RPL36A: variants seen among roughly 807,000 people sequenced by gnomAD.
RPL36A encodes large ribosomal subunit protein eL42.
For synonymous variants in RPL36A, 25 were observed against 28.5 expected (o/e 0.88, Z 0.39); for missense variants, 20 against 81.0 (o/e 0.25, Z 2.89).
At chrX:101,394,817 C>CTCAT in intron 3 of RPL36A, among the ~76,000 whole-genome samples, 1 of 41,316 alleles carries the variant, frequency 2.4e-5, no homozygotes, top group South Asian at 1.6e-3. Flanking sequence ...GAGATGGAGT[C>CTCAT]TCTGTTTCCC....
intron 3 of RPL36A, among the ~76,000 whole-genome samples, chrX:101,394,391 T>A (rs1260417647): frequency 1.8e-5 from 2 of 109,073 alleles, no homozygotes; most frequent in African/African-American, 6.6e-5. Flanking sequence ...GTTAAATAAT[T>A]CAGTTGAATG....
chrX:101,395,216 A>G (rs782775035), intron 3 of RPL36A, 119 bp from the exon 4 acceptor site: 115 of 796,863 alleles, frequency 1.4e-4, no homozygotes, highest in Non-Finnish European at 1.9e-4. Flanking sequence ...TTGCAAAAGA[A>G]TAGTTGCCCC....
intron 3 of RPL36A, chrX:101,393,245 A>G (rs1927892667): frequency 9.0e-6 from 1 of 111,580 alleles, no homozygotes; most frequent in Non-Finnish European, 1.9e-5. Context: ...GTTAAGTGAA[A>G]TAGGCACACA....
chrX:101,395,156 T>C, intron 3 of RPL36A, 179 bp from the exon 4 acceptor site: 1 of 328,998 alleles, frequency 3.0e-6, no homozygotes, highest in Non-Finnish European at 4.9e-6. Flanking sequence ...TTTTAGATTA[T>C]TTTCTCCCTA....
rs1209022906 is a variant in RPL36A, at chrX:101,394,797, T to A, written c.178-538T>A. 7.4e-3 allele frequency among the ~76,000 whole-genome samples: 547 copies of A among 74,081 alleles called. 3 individuals carry two copies. The highest frequency in any genetic ancestry group is 0.027 in the African/African-American group (293 of 10,932). 64.3% of individuals were successfully genotyped at this position (74,081 alleles called of 115,157 possible). On this transcript the variant is annotated intron_variant, in intron 3 of 4. Transcript: ENST00000553110. ...TATAATATATATATATATATTTTTT[T>A]TTTTTTTTTGAGATGGAGTCTCTGT... is the stretch of plus-strand genomic sequence containing the variant.
Position 101,395,474 on chromosome X carries a change from G to A in RPL36A, c.300+17G>A. Reference sequence around the variant, plus strand: ...AAGAGAAAGGTATATAATTATGGGTGGAAGGTGCAATCTTTTTCATAGCTT... The same window carrying A: ...AAGAGAAAGGTATATAATTATGGGTAGAAGGTGCAATCTTTTTCATAGCTT... On this transcript the variant is annotated intron_variant, in intron 4 of 4. Transcript: ENST00000553110. 8.3e-7 allele frequency: 1 copy of A among 1,201,839 alleles called. No individual in the cohort carries two copies. Among genetic ancestry groups the A allele is most frequent in the East Asian group, 3.0e-5 (1 of 33,686 alleles).
At chrX:101,394,174 TAAG>T (rs1555983911) in intron 3 of RPL36A, among the ~76,000 whole-genome samples, 1 of 108,464 alleles carries the variant, frequency 9.2e-6, no homozygotes, top group Non-Finnish European at 1.9e-5. Context: ...CTAGTAAAAA[TAAG>T]AAAAAATTAG....
At chrX:101,393,319 T>C (rs1382411216) in intron 3 of RPL36A, 1 of 110,619 alleles carries the variant, frequency 9.0e-6, no homozygotes, top group African/African-American at 3.3e-5. Context: ...ACTTGTCATA[T>C]AGAGAGTAGA....
chrX:101,394,079 C>T (rs985042590), intron 3 of RPL36A, among the ~76,000 whole-genome samples: 2 of 111,569 alleles, frequency 1.8e-5, no homozygotes, highest in Non-Finnish European at 1.9e-5. Flanking sequence ...CCTGTAATCC[C>T]AGCACTTTGG....
Position 101,391,017 on chromosome X carries a change from T to C in RPL36A, c.-27T>C. On this transcript the variant is annotated 5_prime_UTR_variant, in exon 1 of 5. Coordinates refer to ENST00000553110, the MANE Select transcript of RPL36A (RefSeq NM_021029.6). ...TCCGTTTGCCTCGCGGTTTCTTTCT[T>C]TCCGCGCCGATAGCGCTCACGCAAG... 1 of 1,212,302 alleles carries C rather than the reference T, an allele frequency of 8.2e-7. No individual in the cohort carries two copies. Among genetic ancestry groups the C allele is most frequent in the Non-Finnish European group, 1.1e-6 (1 of 895,596 alleles).
chrX:101,391,016 T>C lies in RPL36A; in HGVS notation c.-28T>C, dbSNP rs1927771402. 5 of 1,211,011 alleles carry C rather than the reference T, an allele frequency of 4.1e-6. No homozygotes were observed. The highest frequency in any genetic ancestry group is 2.3e-4 in the Middle Eastern group (1 of 4,376). On this transcript the variant is annotated 5_prime_UTR_variant, in exon 1 of 5. Coordinates refer to ENST00000553110, the MANE Select transcript of RPL36A (RefSeq NM_021029.6). ...TTCCGTTTGCCTCGCGGTTTCTTTCTTTCCGCGCCGATAGCGCTCACGCAA... is the reference window on the plus strand; with the variant it reads ...TTCCGTTTGCCTCGCGGTTTCTTTCCTTCCGCGCCGATAGCGCTCACGCAA...
At chrX:101,395,262 TTAAAG>T (rs1927983530) in intron 3 of RPL36A, 68 bp from the exon 4 acceptor site, 1 of 1,088,512 alleles carries the variant, frequency 9.2e-7, no homozygotes, top group Non-Finnish European at 1.2e-6. Flanking sequence ...TAAATAGTAC[TTAAAG>T]TAGTCATTTT....
chrX:101,395,491 T>C (rs782249616), intron 4 of RPL36A, 34 bp downstream of exon 4: 44 of 1,196,045 alleles, frequency 3.7e-5, no homozygotes, highest in Non-Finnish European at 4.7e-5. Context: ...GCAATCTTTT[T>C]CATAGCTTTA....
intron 3 of RPL36A, among the ~76,000 whole-genome samples, chrX:101,394,714 ATATATT>A (rs1217509790): frequency 1.0e-5 from 1 of 100,049 alleles, no homozygotes; most frequent in African/African-American, 3.6e-5. Flanking sequence ...CTTTATATAT[ATATATT>A]TATATATTAT....
chrX:101,392,207 A>G (rs1927834494), intron 3 of RPL36A: 2 of 964,814 alleles, frequency 2.1e-6, no homozygotes, highest in Non-Finnish European at 1.3e-6. Context: ...CATCACAGAA[A>G]TCTGCAGTCA....
At chrX:101,394,775 A>AATAT (rs1400063594) in intron 3 of RPL36A, among the ~76,000 whole-genome samples, 26 of 81,604 alleles carry the variant, frequency 3.2e-4, no homozygotes, top group African/African-American at 1.2e-3. Context: ...TTATATATAT[A>AATAT]ATATATATAT....
At chrX:101,392,626 A>C in intron 3 of RPL36A, 1 of 754,751 alleles carries the variant, frequency 1.3e-6, no homozygotes, top group South Asian at 6.7e-5. Context: ...ACTCTGGCTA[A>C]AGGGGCAAGC....
At chrX:101,392,000 A>G in intron 3 of RPL36A, 178 bp downstream of exon 3, 4 of 1,167,200 alleles carry the variant, frequency 3.4e-6, no homozygotes, top group Non-Finnish European at 4.6e-6. Flanking sequence ...CTAGTCCACA[A>G]TACTGCACTA....
chrX:101,395,554 CCT>C, intron 4 of RPL36A, 97 bp downstream of exon 4: 1 of 1,125,834 alleles, frequency 8.9e-7, no homozygotes, highest in Non-Finnish European at 1.2e-6. Flanking sequence ...CAGGGGTAAT[CCT>C]CTAAAAATAT....
Sources: gnomAD v4.1 joint callset for allele counts (sites outside exome capture counted in the v4.1 genomes callset) on GRCh38, gnomAD v4.1.1 for gene constraint, MANE v1.5 for transcripts, NCBI Gene and HGNC (gene_info 2026-07-23, HGNC 2026-07-21) for gene names.